Variants in KIF5C observed in about 807,000 individuals in gnomAD.
KIF5C encodes kinesin heavy chain isoform 5C.
Under a neutral mutation model 125.2 loss-of-function variants are expected in KIF5C, and 18 were observed. That is an observed-to-expected ratio of 0.14 (90% CI 0.10 to 0.21). The LOEUF is 0.21. KIF5C is among the 10% of genes least tolerant of loss of function. KIF5C has a pLI of 1.00. For missense variants in KIF5C, 780 were observed against 1,183.8 expected, an observed-to-expected ratio of 0.66 and a Z score of 5.01; for synonymous variants, 405 against 434.0, an observed-to-expected ratio of 0.93 and a Z score of 0.83.
intron 1 of KIF5C, among the ~76,000 whole-genome samples, chr2:148,891,478 A>C (rs1485519489): frequency 6.6e-6 from 1 of 152,092 alleles, no homozygotes; most frequent in Non-Finnish European, 1.5e-5. Flanking sequence ...AATATCAATT[A>C]GTCGAATGTC....
chr2:149,002,888 TG>T (rs751516724), intron 21 of KIF5C, among the ~76,000 whole-genome samples: 21 of 152,064 alleles, frequency 1.4e-4, no homozygotes, highest in Non-Finnish European at 2.4e-4. Flanking sequence ...GAAGTTCGAG[TG>T]GTCTTTTGCG....
chr2:148,891,506 A>G (rs1299599776), intron 1 of KIF5C, among the ~76,000 whole-genome samples: 1 of 152,116 alleles, frequency 6.6e-6, no homozygotes, highest in African/African-American at 2.4e-5. Flanking sequence ...GCAGAACTGC[A>G]GACAATGTAT....
intron 4 of KIF5C, among the ~76,000 whole-genome samples, chr2:148,939,340 A>G (rs994330534): frequency 6.6e-6 from 1 of 152,212 alleles, no homozygotes; most frequent in Non-Finnish European, 1.5e-5. Flanking sequence ...TTTGTTGGCT[A>G]AAGCCTGCTT....
At chr2:148,887,515 A>G (rs1480803870) in intron 1 of KIF5C, among the ~76,000 whole-genome samples, 1 of 152,188 alleles carries the variant, frequency 6.6e-6, no homozygotes, top group Non-Finnish European at 1.5e-5. Context: ...GCAAATTTAA[A>G]AAAATCGCTT....
intron 5 of KIF5C, 104 bp from the exon 6 acceptor site, chr2:148,941,831 A>C (rs1443180255): frequency 6.7e-7 from 1 of 1,492,240 alleles, no homozygotes; most frequent in Non-Finnish European, 9.0e-7. Flanking sequence ...TATTGCAAAG[A>C]GATTAGATTT....
At chr2:148,991,261 C>T in intron 16 of KIF5C, 63 bp downstream of exon 16, 2 of 1,544,004 alleles carry the variant, frequency 1.3e-6, no homozygotes, top group Non-Finnish European at 8.7e-7. Context: ...CCTCCATGCC[C>T]TTGCTGGTGC....
In KIF5C at chr2:148,911,243, T is replaced by A. The variant is rs367883945; in HGVS notation, c.127-10894T>A. Among the ~76,000 whole-genome samples the A allele has an allele frequency of 6.6e-5, 10 of 152,036 alleles. No individual in the cohort carries two copies. The East Asian group carries it at 1.2e-3, about 18-fold the overall frequency. On this transcript the variant is annotated intron_variant, in intron 1 of 25. Transcript: ENST00000435030. ...AGAAGAGAAGAGGCCCAGTGAGAGA[T>A]CTGGAGACATTCTTAAATTTGGAAT...
rs1313642406 is a variant in KIF5C at position 148,929,953 on chromosome 2, GTTCAC to G, written c.291+604_291+608del. On this transcript the variant is annotated intron_variant, in intron 3 of 25. Coordinates refer to ENST00000435030, the MANE Select transcript of KIF5C (RefSeq NM_004522.3). ...CATAATATAAAATTCAAGCTTCACT[GTTCAC>G]TTCATTGTCCTGTTCACCTTTTTGT... Among the ~76,000 whole-genome samples the G allele has an allele frequency of 2.6e-5, 4 of 152,276 alleles. No individual in the cohort carries two copies. The East Asian group carries it at 7.7e-4, about 29-fold the overall frequency.
chr2:148,910,946 T>A (rs534174722), intron 1 of KIF5C, among the ~76,000 whole-genome samples: 1 of 152,216 alleles, frequency 6.6e-6, no homozygotes, highest in South Asian at 2.1e-4. Flanking sequence ...AGCTCTGAGC[T>A]TTTTATCCTG....
At chr2:148,983,870 C>T in intron 15 of KIF5C, 104 bp downstream of exon 15, 1 of 1,293,104 alleles carries the variant, frequency 7.7e-7, no homozygotes, top group African/African-American at 1.5e-5. Flanking sequence ...TGCTTTGCAT[C>T]TGCCATGTGC....
intron 1 of KIF5C, among the ~76,000 whole-genome samples, chr2:148,895,980 A>C (rs931953884): frequency 6.6e-6 from 1 of 152,128 alleles, no homozygotes; most frequent in African/African-American, 2.4e-5. Context: ...ACCCCCCTGA[A>C]GGCCCTATCC....
At position 148,998,702 on chromosome 2, in the gene KIF5C, C is replaced by T. The variant is rs547000292; in HGVS notation, c.2210+193C>T. 9 of 937,730 alleles carry T rather than the reference C, an allele frequency of 9.6e-6. No homozygotes were observed. In the East Asian group the frequency reaches 1.7e-4, roughly 17 times the overall value. 58.1% of individuals were successfully genotyped at this position (937,730 alleles called of 1,614,324 possible). On this transcript the variant is annotated intron_variant, in intron 19 of 25. Transcript: ENST00000435030. Reference sequence around the variant, plus strand: ...GATCTGGAGCTGAGCCTCCTGGAGCCCTGGCATGGCAGGTGGCAGGCGGGC... The same window carrying T: ...GATCTGGAGCTGAGCCTCCTGGAGCTCTGGCATGGCAGGTGGCAGGCGGGC...
At chr2:148,883,936 C>A (rs572014470) in intron 1 of KIF5C, 1 of 152,056 alleles carries the variant, frequency 6.6e-6, no homozygotes, top group Non-Finnish European at 1.5e-5. Context: ...TTTTAAGACA[C>A]CCACCACAGT....
intron 6 of KIF5C, among the ~76,000 whole-genome samples, chr2:148,942,200 T>C (rs1456271797): frequency 6.6e-6 from 1 of 152,250 alleles, no homozygotes; most frequent in Non-Finnish European, 1.5e-5. Flanking sequence ...TTAATATTGT[T>C]CACATTTAAA....
At chr2:148,911,513 A>G (rs1681336513) in intron 1 of KIF5C, among the ~76,000 whole-genome samples, 1 of 152,204 alleles carries the variant, frequency 6.6e-6, no homozygotes, top group South Asian at 2.1e-4. Context: ...GAGAGCAAAA[A>G]TTAGGTGGCA....
intron 19 of KIF5C, 33 bp from the exon 20 acceptor site, chr2:149,000,390 G>T (rs1422695079): frequency 7.8e-6 from 12 of 1,547,578 alleles, no homozygotes; most frequent in Non-Finnish European, 1.1e-5. Flanking sequence ...TCAGACTGAT[G>T]TGGAATATAT....
intron 11 of KIF5C, among the ~76,000 whole-genome samples, chr2:148,962,736 C>G (rs768666023): frequency 3.3e-5 from 5 of 152,194 alleles, no homozygotes; most frequent in Non-Finnish European, 7.3e-5. Flanking sequence ...TAATAACTTG[C>G]TGGTACCCCT....
At chr2:149,007,737 G>GTT (rs200712371) in intron 22 of KIF5C, among the ~76,000 whole-genome samples, 1 of 146,260 alleles carries the variant, frequency 6.8e-6, no homozygotes, top group African/African-American at 2.5e-5. Flanking sequence ...ATTTGAAGGA[G>GTT]TTTTTTTTTT....
At chr2:149,016,802 A>T (rs2105209273) in intron 25 of KIF5C, among the ~76,000 whole-genome samples, 1 of 152,282 alleles carries the variant, frequency 6.6e-6, no homozygotes, top group African/African-American at 2.4e-5. Context: ...TTATGGCCAC[A>T]GGTCTGAAGG....
Sources: gnomAD v4.1 joint callset for allele counts (sites outside exome capture counted in the v4.1 genomes callset) on GRCh38, gnomAD v4.1.1 for gene constraint, MANE v1.5 for transcripts, NCBI Gene and HGNC (gene_info 2026-07-23, HGNC 2026-07-21) for gene names.